Variants in CPAMD8 observed in about 807,000 individuals in gnomAD.
The protein encoded by CPAMD8 is C3 and PZP-like alpha-2-macroglobulin domain-containing protein 8.
A neutral mutation model predicts 224.7 loss-of-function variants in CPAMD8; 146 were observed. That is an observed-to-expected ratio of 0.65 (90% confidence interval 0.57 to 0.75). The LOEUF is 0.75. Ranked by LOEUF, CPAMD8 falls within the 30% of genes least tolerant of loss-of-function variation. The pLI is 0.00. For missense variants in CPAMD8, 2,301 were observed against 2,537.5 expected, an observed-to-expected ratio of 0.91 and a Z score of 2.00; for synonymous variants, 966 against 1,044.6, an observed-to-expected ratio of 0.92 and a Z score of 1.45.
chr19:16,899,430 A>G lies in CPAMD8; in HGVS notation c.4848+45T>C, dbSNP rs371481988. On this transcript the variant is annotated intron_variant, in intron 37 of 41. Coordinates refer to ENST00000443236, the MANE Select transcript of CPAMD8 (RefSeq NM_015692.5). The surrounding 1 kb of genome is among the most constrained non-coding windows in gnomAD (Gnocchi z 5.4). ...CAGTGACCGGTGCACCCTCACCAAC[A>G]TGCACACCAGGGAAGCCTCCTCCAC... The G allele has an allele frequency of 4.9e-5, 43 of 870,766 alleles. No individual in the cohort carries two copies. The African/African-American group carries it at 5.6e-4, about 11-fold the overall frequency. 53.9% of individuals were successfully genotyped at this position (870,766 alleles called of 1,614,324 possible).
intron 1 of CPAMD8, among the ~76,000 whole-genome samples, chr19:17,025,386 T>A (rs1055700166): frequency 1.3e-5 from 2 of 152,188 alleles, no homozygotes; most frequent in Non-Finnish European, 2.9e-5. Context: ...CACTCCAGCC[T>A]GGGCAACAAG....
intron 26 of CPAMD8, among the ~76,000 whole-genome samples, chr19:16,922,313 A>T (rs1051155977): frequency 6.6e-6 from 1 of 151,392 alleles, no homozygotes; most frequent in Non-Finnish European, 1.5e-5. Flanking sequence ...ACTGCCCCAC[A>T]CCACATCTGG....
At chr19:16,905,560 G>GAAA (rs2052440430) in intron 30 of CPAMD8, among the ~76,000 whole-genome samples, 1 of 109,480 alleles carries the variant, frequency 9.1e-6, no homozygotes, top group Non-Finnish European at 1.9e-5. Context: ...AAAAAAAAAA[G>GAAA]GAAGAAAAGA....
intron 29 of CPAMD8, chr19:16,907,685 G>A (rs897920217): frequency 6.6e-6 from 1 of 151,186 alleles, no homozygotes; most frequent in Non-Finnish European, 1.5e-5. Flanking sequence ...ATAGCTCACT[G>A]AAACCTTCAC....
At chr19:16,896,964 C>T in intron 39 of CPAMD8, 1 of 288,176 alleles carries the variant, frequency 3.5e-6, no homozygotes. Context: ...TGCCGCGCCT[C>T]CTCCGCACTG....
At position 16,893,080 on chromosome 19, in the gene CPAMD8, G is replaced by T; in HGVS notation, c.*28C>A. ...TGAATGGTCCCCAGGACCAAACTGC[G>T]GTCCCACAACTGCATGTGGTTGTAG... On this transcript the variant is annotated 3_prime_UTR_variant, in exon 42 of 42. Coordinates refer to ENST00000443236, the MANE Select transcript of CPAMD8 (RefSeq NM_015692.5). 9.9e-7 allele frequency: 1 copy of T among 1,014,056 alleles called. No individual in the cohort carries two copies. Among genetic ancestry groups the T allele is most frequent in the East Asian group, 2.4e-5 (1 of 41,826 alleles). 62.8% of individuals were successfully genotyped at this position (1,014,056 alleles called of 1,614,324 possible).
chr19:17,026,515 G>A, intron 1 of CPAMD8, 36 bp downstream of exon 1: 2 of 1,463,752 alleles, frequency 1.4e-6, no homozygotes, highest in South Asian at 1.3e-5. Flanking sequence ...CACCCCAGAA[G>A]GCGACCGACC....
rs527374230 is a variant in CPAMD8, at chr19:16,975,620, A to G, written c.1909-362T>C. Among the ~76,000 whole-genome samples the G allele has an allele frequency of 3.3e-5, 5 of 152,074 alleles. No homozygotes were observed. The South Asian group carries it at 1.0e-3, about 31-fold the overall frequency. On this transcript the variant is annotated intron_variant, in intron 16 of 41. Coordinates refer to ENST00000443236, the MANE Select transcript of CPAMD8 (RefSeq NM_015692.5). The stretch of plus-strand genomic sequence containing the variant: ...CTACTCTGGAGGCTGAGGTGGGAGG[A>G]TCGTTTAAGCCCAGGAGGTGTTCGC...
intron 8 of CPAMD8, chr19:17,002,590 C>CT (rs1463702664): frequency 3.4e-5 from 14 of 409,936 alleles, no homozygotes; most frequent in Non-Finnish European, 4.5e-5. Context: ...CACTTTTAGA[C>CT]CACGTGCTTA....
At chr19:16,903,419 A>G in intron 34 of CPAMD8, 142 bp downstream of exon 34, 3 of 1,247,374 alleles carry the variant, frequency 2.4e-6, no homozygotes, top group Admixed American at 2.4e-5. Flanking sequence ...GCAGTATTAG[A>G]AGGCTGAAAA....
At chr19:16,946,962 G>A (rs897625932) in intron 21 of CPAMD8, 112 bp downstream of exon 21, 1 of 1,180,306 alleles carries the variant, frequency 8.5e-7, no homozygotes, top group East Asian at 2.5e-5. Flanking sequence ...CCTTGGGACA[G>A]TCCTGACCTT....
chr19:16,914,364 C>T (rs1192083163), intron 29 of CPAMD8, 60 bp downstream of exon 29: 18 of 1,403,758 alleles, frequency 1.3e-5, no homozygotes, highest in South Asian at 5.8e-5. Context: ...AAGGAGGGAA[C>T]CTTCCATTTG....
chr19:16,991,547 G>T (rs1278751326), intron 12 of CPAMD8, among the ~76,000 whole-genome samples: 1 of 152,030 alleles, frequency 6.6e-6, no homozygotes, highest in Non-Finnish European at 1.5e-5. Flanking sequence ...GCCAGGCTGT[G>T]GTCACTCTCT....
intron 1 of CPAMD8, among the ~76,000 whole-genome samples, chr19:17,025,805 TGTCTTGC>T (rs1425611589): frequency 6.6e-6 from 1 of 152,192 alleles, no homozygotes; most frequent in Non-Finnish European, 1.5e-5. Flanking sequence ...CGCAGTAGAC[TGTCTTGC>T]TTTTAAAACT....
intron 13 of CPAMD8, among the ~76,000 whole-genome samples, chr19:16,981,353 C>T (rs752785112): frequency 4.0e-5 from 6 of 150,994 alleles, no homozygotes; most frequent in African/African-American, 7.4e-5. Context: ...AGAGTGAGAC[C>T]CTGTCTCCAA....
At chr19:16,903,940 C>G in intron 32 of CPAMD8, 83 bp from the exon 33 acceptor site, 1 of 1,377,938 alleles carries the variant, frequency 7.3e-7, no homozygotes, top group Non-Finnish European at 1.0e-6. Flanking sequence ...GAAGCCTAGC[C>G]TAAAACAGGC....
At position 16,971,024 on chromosome 19, in the gene CPAMD8, G is replaced by C; in HGVS notation, c.2080C>G (p.Leu694Val). 6.2e-7 allele frequency: 1 copy of C among 1,602,690 alleles called. No homozygotes were observed. Among genetic ancestry groups the C allele is most frequent in the Non-Finnish European group, 8.5e-7 (1 of 1,174,570 alleles). ...DSGFAFTETG[L>V]VVMTDRVSLN... is the part of the protein sequence containing the mutation. The stretch of plus-strand genomic sequence containing the variant: ...CTCACTCGGTCGGTCATCACCACCA[G>C]TCCCGTTTCCTAGGCAACAGACAAC... The change falls in exon 18 of 42, where the codon CTG becomes GTG. Residue 694 changes from leucine to valine, a missense_variant. Coordinates refer to ENST00000443236, the MANE Select transcript of CPAMD8 (RefSeq NM_015692.5).
chr19:16,931,150 G>A (rs971337425), intron 23 of CPAMD8, among the ~76,000 whole-genome samples: 2 of 152,196 alleles, frequency 1.3e-5, no homozygotes, highest in African/African-American at 4.8e-5. Flanking sequence ...TAGCAAGGCT[G>A]AACCCGAGCA....
intron 18 of CPAMD8, among the ~76,000 whole-genome samples, chr19:16,967,375 T>G (rs2054864037): frequency 1.3e-5 from 2 of 151,460 alleles, no homozygotes; most frequent in Non-Finnish European, 2.9e-5. Flanking sequence ...GCATTAGGAG[T>G]AATACCTAAT....
Sources: gnomAD v4.1 joint callset for allele counts (sites outside exome capture counted in the v4.1 genomes callset) on GRCh38, gnomAD v4.1.1 for gene constraint, Gnocchi (gnomAD v3.1) non-coding constraint, MANE v1.5 for transcripts, NCBI Gene and HGNC (gene_info 2026-07-23, HGNC 2026-07-21) for gene names.